Variants in ROBO2 observed in about 807,000 individuals in gnomAD.
The protein encoded by ROBO2 is roundabout guidance receptor 2.
A neutral mutation model predicts 160.8 loss-of-function variants in ROBO2; 53 were observed. The ratio of observed to expected loss-of-function variants is 0.33; its 90% CI spans 0.26 to 0.41. The LOEUF (loss-of-function observed/expected upper bound fraction) is 0.41, where lower values mean the gene tolerates loss of function less well. Ranked by LOEUF, ROBO2 falls within the 10% of genes least tolerant of loss-of-function variation. ROBO2 has a pLI of 1.00. For synonymous variants in ROBO2, 664 were observed against 611.7 expected (o/e 1.09, Z -1.26); for missense variants, 1,577 against 1,722.4 (o/e 0.92, Z 1.49).
rs201851831 is a variant in ROBO2 at position 77,200,321 on chromosome 3, A to ATTTTTT, written c.388+101985_388+101986insTTTTTT. On this transcript the variant is annotated intron_variant, in intron 2 of 25. Transcript: ENST00000461745. ...TATATATATATATATATATATATAT[A>ATTTTTT]TTTTAGTTTCTATAGGTAAAGGGAA... 6.2e-4 allele frequency among the ~76,000 whole-genome samples: 34 copies of ATTTTTT among 54,910 alleles called. 1 individual carries two copies. In the East Asian group the frequency reaches 8.9e-3, roughly 14 times the overall value. The allele number at this position is 54,910 out of a possible 152,430, so 36.0% of individuals were successfully genotyped here.
chr3:77,048,629 A>C (rs115733369), intron 1 of ROBO2, among the ~76,000 whole-genome samples: 1 of 152,334 alleles, frequency 6.6e-6, no homozygotes, highest in South Asian at 2.1e-4. Flanking sequence ...CCGAAGACCT[A>C]AGTAAAAATT....
chr3:76,538,747 C>T (rs917126367), intron 2 of ROBO2, among the ~76,000 whole-genome samples: 1 of 152,186 alleles, frequency 6.6e-6, no homozygotes, highest in Non-Finnish European at 1.5e-5. Context: ...TCCCTCCCTT[C>T]CCTCTCTAGT....
intron 2 of ROBO2, among the ~76,000 whole-genome samples, chr3:76,736,189 G>A (rs2107945448): frequency 6.6e-6 from 1 of 151,854 alleles, no homozygotes; most frequent in African/African-American, 2.4e-5. Context: ...GGCTGAGGCA[G>A]GAGAATGGGG....
intron 1 of ROBO2, among the ~76,000 whole-genome samples, chr3:77,081,403 A>C (rs931901737): frequency 1.3e-5 from 2 of 152,224 alleles, no homozygotes; most frequent in Admixed American, 1.3e-4. Context: ...AGGCAGCTTG[A>C]GAGTGTGCAC....
intron 2 of ROBO2, among the ~76,000 whole-genome samples, chr3:77,413,768 A>C (rs908808041): frequency 1.3e-5 from 2 of 152,232 alleles, no homozygotes; most frequent in Admixed American, 6.5e-5. Flanking sequence ...TGTTGGCCTA[A>C]CTGGAAGAAC....
chr3:76,804,866 C>T (rs904296529), intron 2 of ROBO2, among the ~76,000 whole-genome samples: 6 of 152,082 alleles, frequency 3.9e-5, no homozygotes, highest in African/African-American at 1.2e-4. Flanking sequence ...TCGTAATAAA[C>T]GCACTATAAA....
chr3:77,504,523 A>C (rs558129355), intron 5 of ROBO2, among the ~76,000 whole-genome samples: 9 of 152,200 alleles, frequency 5.9e-5, no homozygotes, highest in Non-Finnish European at 1.0e-4. Context: ...AGAAACAAAA[A>C]AGTAAAAGAG....
chr3:77,358,206 G>C (rs2069408889), intron 2 of ROBO2, among the ~76,000 whole-genome samples: 1 of 152,188 alleles, frequency 6.6e-6, no homozygotes, highest in Non-Finnish European at 1.5e-5. Flanking sequence ...TTCTCTTGGA[G>C]ACTCTAGGTA....
At chr3:76,727,635 GTT>G (rs2093573528) in intron 2 of ROBO2, among the ~76,000 whole-genome samples, 1 of 152,166 alleles carries the variant, frequency 6.6e-6, no homozygotes, top group Non-Finnish European at 1.5e-5. Context: ...TGTGGAATAA[GTT>G]GGGCACGGAA....
intron 2 of ROBO2, among the ~76,000 whole-genome samples, chr3:76,063,588 C>T (rs1342245540): frequency 6.6e-6 from 1 of 151,940 alleles, no homozygotes; most frequent in African/African-American, 2.4e-5. Flanking sequence ...TCAAGCTATC[C>T]TCCCATTTCG....
chr3:76,435,431 A>G lies in ROBO2; in HGVS notation c.109+497829A>G, dbSNP rs73840991. 3,295 of 775,198 alleles carry G rather than the reference A, an allele frequency of 4.3e-3. 63 individuals are homozygous for G. The African/African-American group carries it at 0.049, about 12-fold the overall frequency. The allele number at this position is 775,198 out of a possible 1,614,324, so 48.0% of individuals were successfully genotyped here. On this transcript the variant is annotated intron_variant, in intron 2 of 26. Transcript: ENST00000487694. ...CAGTGACAGAAATTGCTGGATAGGC[A>G]AAGTGTCTCTGGGTTCTTTGCCCTC...
intron 2 of ROBO2, among the ~76,000 whole-genome samples, chr3:76,476,850 A>AG (rs2078958210): frequency 6.6e-6 from 1 of 151,914 alleles, no homozygotes; most frequent in South Asian, 2.1e-4. Flanking sequence ...TGGAAAAAAA[A>AG]TGATTTTATA....
intron 3 of ROBO2, among the ~76,000 whole-genome samples, chr3:77,477,824 T>C (rs1163361345): frequency 6.8e-6 from 1 of 146,344 alleles, no homozygotes; most frequent in Non-Finnish European, 1.5e-5. Flanking sequence ...TATTGATATT[T>C]TAGCTCTTTT....
At chr3:76,257,565 T>C (rs1459676225) in intron 2 of ROBO2, among the ~76,000 whole-genome samples, 1 of 152,216 alleles carries the variant, frequency 6.6e-6, no homozygotes. Flanking sequence ...ACTCTCCATA[T>C]TGTATGTGCT....
At position 76,848,230 on chromosome 3, in the gene ROBO2, T is replaced by C. The variant is rs184513040; in HGVS notation, c.110-249784T>C. Among the ~76,000 whole-genome samples the C allele has an allele frequency of 2.5e-3, 388 of 152,332 alleles. 4 individuals carry two copies. Among genetic ancestry groups the C allele is most frequent in the Admixed American group, 7.1e-3 (109 of 15,294 alleles). On this transcript the variant is annotated intron_variant, in intron 2 of 26. Transcript: ENST00000487694. ...AGTACTTCTCCAAATAAATCTTATA[T>C]TGAATTAAATTACTTATGAGTTCTG...
In ROBO2 at chr3:76,434,454, A is replaced by C. The variant is rs568913109; in HGVS notation, c.109+496852A>C. The C allele has an allele frequency of 1.0e-5, 16 of 1,550,654 alleles. No homozygotes were observed. In the South Asian group the frequency reaches 1.7e-4, roughly 16 times the overall value. The stretch of plus-strand genomic sequence containing the variant: ...GCTATGGCCCCCAAGCCTGGCACTT[A>C]TGTGAAAGAAATGAATGATGCTGCC... On this transcript the variant is annotated intron_variant, in intron 2 of 26. Coordinates refer to the ROBO2 transcript ENST00000487694.
intron 2 of ROBO2, among the ~76,000 whole-genome samples, chr3:76,647,388 A>AT (rs1489446304): frequency 6.6e-6 from 1 of 152,054 alleles, no homozygotes; most frequent in Non-Finnish European, 1.5e-5. Flanking sequence ...AGCCTAAGAG[A>AT]TAGGAGAGGA....
intron 2 of ROBO2, among the ~76,000 whole-genome samples, chr3:76,545,466 C>T (rs974875907): frequency 6.6e-6 from 1 of 151,912 alleles, no homozygotes; most frequent in South Asian, 2.1e-4. Flanking sequence ...TAAGATAAGG[C>T]TTACAAGTAA....
intron 2 of ROBO2, among the ~76,000 whole-genome samples, chr3:76,798,113 G>A (rs1560579276): frequency 1.0e-5 from 1 of 98,094 alleles, no homozygotes; most frequent in South Asian, 3.0e-4. Flanking sequence ...AAAAAAGAAA[G>A]AAGAGAAAGA....
Sources: gnomAD v4.1 joint callset for allele counts (sites outside exome capture counted in the v4.1 genomes callset) on GRCh38, gnomAD v4.1.1 for gene constraint, MANE v1.5 for transcripts, NCBI Gene and HGNC (gene_info 2026-07-23, HGNC 2026-07-21) for gene names.